The following CIB4 variants were observed in gnomAD, a reference collection of about 807,000 sequenced individuals.
CIB4 encodes calcium and integrin binding family member 4.
Under a neutral mutation model 25.8 loss-of-function variants are expected in CIB4, and 25 were observed. The observed-to-expected ratio is 0.97, with a 90% confidence interval of 0.71 to 1.35. The LOEUF (loss-of-function observed/expected upper bound fraction) is 1.35, where lower values mean the gene tolerates loss of function less well. CIB4 is among the 40% of genes most tolerant of loss of function. The pLI is 0.00. For synonymous variants in CIB4, 75 were observed against 81.4 expected (o/e 0.92, Z 0.42); for missense variants, 235 against 228.2 (o/e 1.03, Z -0.19).
At chr2:26,613,297 G>A (rs968465164) in intron 3 of CIB4, among the ~76,000 whole-genome samples, 3 of 152,082 alleles carry the variant, frequency 2.0e-5, no homozygotes, top group Non-Finnish European at 4.4e-5. Context: ...AGTACCCTTG[G>A]GGCCAAATCT....
chr2:26,630,090 T>TC (rs1422336246), intron 2 of CIB4, among the ~76,000 whole-genome samples: 3 of 152,240 alleles, frequency 2.0e-5, no homozygotes, highest in Non-Finnish European at 4.4e-5. Flanking sequence ...TTCCTAATCA[T>TC]CCCTGTCAGC....
chr2:26,602,918 G>A (rs909026379), intron 3 of CIB4, among the ~76,000 whole-genome samples: 1 of 152,120 alleles, frequency 6.6e-6, no homozygotes, highest in African/African-American at 2.4e-5. Flanking sequence ...AAGCTGGTGT[G>A]GTGTTCTGTG....
At chr2:26,592,275 C>T (rs1003375576) in intron 4 of CIB4, among the ~76,000 whole-genome samples, 11 of 152,326 alleles carry the variant, frequency 7.2e-5, no homozygotes, top group Middle Eastern at 6.8e-3. Flanking sequence ...TGAGCCAGCA[C>T]GGCTGCCACC....
chr2:26,584,876 G>C (rs944373239), intron 4 of CIB4, among the ~76,000 whole-genome samples: 48 of 152,132 alleles, frequency 3.2e-4, no homozygotes, highest in African/African-American at 1.1e-3. Flanking sequence ...ACTGACTCCC[G>C]TGTGTGCCGG....
intron 2 of CIB4, among the ~76,000 whole-genome samples, chr2:26,638,370 G>C (rs544009598): frequency 2.6e-5 from 4 of 152,296 alleles, no homozygotes; most frequent in African/African-American, 7.2e-5. Context: ...GCGTCCATAA[G>C]CATGGCTCGC....
chr2:26,620,572 T>C (rs1669186578), intron 3 of CIB4, among the ~76,000 whole-genome samples: 1 of 152,230 alleles, frequency 6.6e-6, no homozygotes, highest in African/African-American at 2.4e-5. Flanking sequence ...TTTCCTAACA[T>C]GGCTCTAGGA....
At chr2:26,585,219 G>A (rs1037305523) in intron 4 of CIB4, among the ~76,000 whole-genome samples, 47 of 152,120 alleles carry the variant, frequency 3.1e-4, no homozygotes, top group African/African-American at 1.1e-3. Context: ...CCAGCGGGCA[G>A]AGACCGAGGC....
chr2:26,607,173 G>A (rs1035719729), intron 3 of CIB4, among the ~76,000 whole-genome samples: 14 of 152,162 alleles, frequency 9.2e-5, no homozygotes, highest in Admixed American at 6.5e-5. Context: ...TGGGAGATTT[G>A]GGGTAGGCAG....
At chr2:26,595,035 G>T in intron 4 of CIB4, 141 bp downstream of exon 4, 1 of 747,194 alleles carries the variant, frequency 1.3e-6, no homozygotes, top group Non-Finnish European at 2.2e-6. Context: ...CATGGTACAT[G>T]CAAAATATGA....
At position 26,607,326 on chromosome 2, in the gene CIB4, C is replaced by T. The variant is rs539011210; in HGVS notation, c.187-12009G>A. ...CAATATTTTAATAGTGCAACTTGCC[C>T]GAGCAAAAAAGAACAAAAAAGATAA... is the stretch of plus-strand genomic sequence containing the variant. On this transcript the variant is annotated intron_variant, in intron 3 of 6. Coordinates refer to ENST00000288861, the MANE Select transcript of CIB4 (RefSeq NM_001029881.3). 5.9e-5 allele frequency among the ~76,000 whole-genome samples: 9 copies of T among 152,162 alleles called. 1 individual carries two copies. The South Asian group carries it at 8.3e-4, about 14-fold the overall frequency.
intron 4 of CIB4, among the ~76,000 whole-genome samples, chr2:26,592,008 C>A (rs902925837): frequency 1.3e-5 from 2 of 152,234 alleles, no homozygotes; most frequent in African/African-American, 4.8e-5. Context: ...AAGAGGAGGA[C>A]CCAACTAAGT....
chr2:26,608,585 C>T (rs1176247750), intron 3 of CIB4, among the ~76,000 whole-genome samples: 3 of 152,156 alleles, frequency 2.0e-5, no homozygotes, highest in African/African-American at 7.2e-5. Context: ...GACATGACAC[C>T]AGATGCTGTC....
intron 3 of CIB4, among the ~76,000 whole-genome samples, chr2:26,626,861 A>T (rs1230790329): frequency 1.3e-5 from 2 of 152,076 alleles, no homozygotes; most frequent in Non-Finnish European, 2.9e-5. Flanking sequence ...CTCCTCACCC[A>T]TGACATGGAA....
intron 3 of CIB4, among the ~76,000 whole-genome samples, chr2:26,625,349 CTTTT>C (rs34821747): frequency 1.0e-5 from 1 of 98,564 alleles, no homozygotes. Context: ...TAAGGACAGC[CTTTT>C]TTTTTTTTTT....
chr2:26,618,884 T>C (rs2148216057), intron 3 of CIB4, among the ~76,000 whole-genome samples: 1 of 152,236 alleles, frequency 6.6e-6, no homozygotes, highest in African/African-American at 2.4e-5. Context: ...CCCACCGGCC[T>C]CTCTAGGAGG....
intron 5 of CIB4, among the ~76,000 whole-genome samples, chr2:26,583,352 C>T (rs77379382): frequency 0.04 from 6,034 of 152,214 alleles, 373 homozygotes; most frequent in African/African-American, 0.13. Flanking sequence ...GTTTGCAGGG[C>T]CGTCCTCGTG....
intron 3 of CIB4, among the ~76,000 whole-genome samples, chr2:26,608,593 G>A (rs971832925): frequency 6.6e-6 from 1 of 152,182 alleles, no homozygotes; most frequent in Non-Finnish European, 1.5e-5. Flanking sequence ...ACCAGATGCT[G>A]TCAGGCTGAC....
At chr2:26,634,792 G>A (rs941886093) in intron 2 of CIB4, among the ~76,000 whole-genome samples, 9 of 152,248 alleles carry the variant, frequency 5.9e-5, no homozygotes, top group African/African-American at 1.9e-4. Context: ...TAGGAAGAAA[G>A]GCCCCATGGC....
intron 2 of CIB4, among the ~76,000 whole-genome samples, chr2:26,640,308 T>C (rs1669610420): frequency 6.6e-6 from 1 of 152,230 alleles, no homozygotes; most frequent in Non-Finnish European, 1.5e-5. Context: ...CAGTAAAAGG[T>C]TAGCAGCCTA....
Sources: allele counts gnomAD v4.1 joint callset (sites outside exome capture counted in the v4.1 genomes callset), GRCh38; gene constraint gnomAD v4.1.1; transcripts MANE v1.5; gene names NCBI Gene and HGNC (gene_info 2026-07-23, HGNC 2026-07-21).